OR10G7: variants seen among roughly 807,000 people sequenced by gnomAD.
OR10G7 encodes the protein olfactory receptor family 10 subfamily G member 7.
For missense variants in OR10G7, 338 were observed against 382.1 expected, an observed-to-expected ratio of 0.88 and a Z score of 0.96; for synonymous variants, 165 against 167.4, an observed-to-expected ratio of 0.99 and a Z score of 0.11.
At position 124,038,514 on chromosome 11, in the gene OR10G7, A is replaced by G; in HGVS notation, c.488T>C (p.Phe163Ser). The change falls in exon 2 of 2, where the codon TTC becomes TCC. Residue 163 changes from phenylalanine (F) to serine (S), a missense_variant. Coordinates refer to ENST00000641585, the MANE Select transcript of OR10G7 (RefSeq NM_001004463.2). The stretch of plus-strand genomic sequence containing the variant: ...GTTGGGTCCACAGTAGGGCAAATGG[A>G]AAGTCAATATGGTCTGGACAGCAGA... ...LHSAVQTILT[F>S]HLPYCGPNQI... The G allele has an allele frequency of 6.2e-7, 1 of 1,613,808 alleles. No individual in the cohort carries two copies. The highest frequency in any genetic ancestry group is 8.5e-7 in the Non-Finnish European group (1 of 1,179,854).
In OR10G7 at chr11:124,038,474, G is replaced by T. The variant is rs527425360; in HGVS notation, c.528C>A (p.Tyr176Ter). The T allele has an allele frequency of 2.5e-6, 4 of 1,613,564 alleles. No individual in the cohort carries two copies. The African/African-American group carries it at 5.3e-5, about 22-fold the overall frequency. ...TCAGGATGGGCGGTGCGTCACAGAAGTAGTGCTGGATCTGGTTGGGTCCAC... is the reference window on the plus strand; with the variant it reads ...TCAGGATGGGCGGTGCGTCACAGAATTAGTGCTGGATCTGGTTGGGTCCAC... ...PYCGPNQIQH[Y>*]FCDAPPILKL... The change falls in exon 2 of 2, where the codon TAC (tyrosine) becomes TAA (stop). Residue 176 changes from tyrosine (Y) to a stop codon, truncating the protein, a stop_gained. Coordinates refer to ENST00000641585, the MANE Select transcript of OR10G7 (RefSeq NM_001004463.2). LOFTEE classifies it low-confidence loss of function (END_TRUNC).
In OR10G7 at chr11:124,038,030, A is replaced by C. The variant is rs1006094232; in HGVS notation, c.*36T>G. ...TGAAGGTTTAATTTAATTACAAATA[A>C]AAAAAGAAAAGTTAGCCATATATGG... On this transcript the variant is annotated 3_prime_UTR_variant, in exon 2 of 2. Coordinates refer to ENST00000641585, the MANE Select transcript of OR10G7 (RefSeq NM_001004463.2). The C allele has an allele frequency of 7.1e-7, 1 of 1,403,512 alleles. No homozygotes were observed. The highest frequency in any genetic ancestry group is 2.3e-5 in the Admixed American group (1 of 43,876). 86.9% of individuals were successfully genotyped at this position (1,403,512 alleles called of 1,614,324 possible). A position where few individuals can be genotyped will look rare whatever the true frequency, so the allele number is the denominator to read the frequency against.
chr11:124,040,824 C>T (rs1197084335), intron 1 of OR10G7, 62 bp downstream of exon 1: 3 of 152,076 alleles, frequency 2.0e-5, no homozygotes, highest in Admixed American at 6.5e-5. Context: ...TCATAATCAC[C>T]TCCCCTCAAA....
chr11:124,040,741 A>T (rs1245405819), intron 1 of OR10G7, 145 bp downstream of exon 1: 1 of 152,114 alleles, frequency 6.6e-6, no homozygotes, highest in East Asian at 1.9e-4. Flanking sequence ...GTAAGTCATG[A>T]CTAAGATAAT....
chr11:124,039,215 CAA>C (rs1019735048), intron 1 of OR10G7, among the ~76,000 whole-genome samples, 194 bp from the exon 2 acceptor site: 1 of 151,852 alleles, frequency 6.6e-6, no homozygotes, highest in Non-Finnish European at 1.5e-5. Flanking sequence ...AAGCCATATA[CAA>C]AAGAGGAGGA....
rs759623298 is a variant in OR10G7, at chr11:124,036,792, A to G, written c.*1274T>C. On this transcript the variant is annotated 3_prime_UTR_variant, in exon 2 of 2. Coordinates refer to ENST00000641585, the MANE Select transcript of OR10G7 (RefSeq NM_001004463.2). The stretch of plus-strand genomic sequence containing the variant: ...TGCTTCATGTACTGTGTCATGGTTT[A>G]TGTAGCTCATGCTTACCAAGTTAGT... 6.6e-6 allele frequency: 1 copy of G among 152,180 alleles called. No individual in the cohort carries two copies. Among genetic ancestry groups the G allele is most frequent in the Non-Finnish European group, 1.5e-5 (1 of 68,028 alleles). 9.4% of individuals were successfully genotyped at this position (152,180 alleles called of 1,614,324 possible). A position where few individuals can be genotyped will look rare whatever the true frequency, so the allele number is the denominator to read the frequency against.
chr11:124,040,663 A>T (rs2137571959), intron 1 of OR10G7, among the ~76,000 whole-genome samples: 1 of 152,246 alleles, frequency 6.6e-6, no homozygotes, highest in South Asian at 2.1e-4. Flanking sequence ...TTTATAGAAA[A>T]AGCACTTCAT....
At chr11:124,040,759 CA>C (rs2137572013) in intron 1 of OR10G7, 126 bp downstream of exon 1, 1 of 152,170 alleles carries the variant, frequency 6.6e-6, no homozygotes, top group African/African-American at 2.4e-5. Context: ...AATCTAGCTT[CA>C]TTAGCCAAAG....
rs1216292401 is a variant in OR10G7, at chr11:124,036,347, TC to T, written c.*1718del. 6.6e-6 allele frequency: 1 copy of T among 152,238 alleles called. No individual in the cohort carries two copies. Among genetic ancestry groups the T allele is most frequent in the African/African-American group, 2.4e-5 (1 of 41,460 alleles). 9.4% of individuals were successfully genotyped at this position (152,238 alleles called of 1,614,324 possible). Reference sequence around the variant, plus strand: ...ATACATATTGCCATAGTATTTTGAATCCTTTAGCATCTTTCCAAGTCAAAAC... The same window carrying T: ...ATACATATTGCCATAGTATTTTGAATCTTTAGCATCTTTCCAAGTCAAAAC... On this transcript the variant is annotated 3_prime_UTR_variant, in exon 2 of 2. Transcript: ENST00000641585.
rs150844849 is a variant in OR10G7 at position 124,037,848 on chromosome 11, A to G, written c.*218T>C. On this transcript the variant is annotated 3_prime_UTR_variant, in exon 2 of 2. Transcript: ENST00000641585. Reference sequence around the variant, plus strand: ...ACTTAATGGAACGTGAAAAGAATAGACTATTATCCTTTCTCTTAGATTATC... The same window carrying G: ...ACTTAATGGAACGTGAAAAGAATAGGCTATTATCCTTTCTCTTAGATTATC... The G allele has an allele frequency of 3.7e-3, 1,324 of 354,594 alleles. 33 individuals are homozygous for G. Among genetic ancestry groups the G allele is most frequent in the African/African-American group, 0.024 (1,162 of 47,648 alleles). 22.0% of individuals were successfully genotyped at this position (354,594 alleles called of 1,614,324 possible).
rs767034136 is a variant in OR10G7 at position 124,038,163 on chromosome 11, G to A, written c.839C>T (p.Pro280Leu). ...GGTGTACACAACAGGGTTGAAAAGA[G>A]GAGTCAGCGTGGTGTAGAAAACGGC... ...VVAVFYTTLT[P>L]LFNPVVYTLR... is the part of the protein sequence containing the mutation. The change falls in exon 2 of 2, where the codon CCT becomes CTT. Residue 280 changes from proline to leucine, a missense_variant. Pro to Leu is a moderately conservative substitution (Grantham distance 98). Transcript: ENST00000641585. The A allele has an allele frequency of 1.2e-6, 2 of 1,614,124 alleles. No homozygotes were observed. Among genetic ancestry groups the A allele is most frequent in the South Asian group, 1.1e-5 (1 of 91,082 alleles).
In OR10G7 at chr11:124,038,034, A is replaced by C. The variant is rs772278444; in HGVS notation, c.*32T>G. ...GGTTTAATTTAATTACAAATAAAAA[A>C]AGAAAAGTTAGCCATATATGGCCTT... On this transcript the variant is annotated 3_prime_UTR_variant, in exon 2 of 2. Transcript: ENST00000641585. The C allele has an allele frequency of 2.1e-6, 3 of 1,436,170 alleles. No individual in the cohort carries two copies. In the Admixed American group the frequency reaches 6.8e-5, roughly 32 times the overall value. The allele number at this position is 1,436,170 out of a possible 1,614,324, so 89.0% of individuals were successfully genotyped here.
At chr11:124,040,152 T>C (rs1440921257) in intron 1 of OR10G7, among the ~76,000 whole-genome samples, 1 of 152,154 alleles carries the variant, frequency 6.6e-6, no homozygotes. Flanking sequence ...AGCCTTCTCT[T>C]TCTAAAGTAT....
In OR10G7 at chr11:124,037,907, C is replaced by T. The variant is rs138236826; in HGVS notation, c.*159G>A. 553 of 527,970 alleles carry T rather than the reference C, an allele frequency of 1.0e-3. 5 individuals are homozygous for T. Among genetic ancestry groups the T allele is most frequent in the African/African-American group, 9.5e-3 (500 of 52,504 alleles). 32.7% of individuals were successfully genotyped at this position (527,970 alleles called of 1,614,324 possible). On this transcript the variant is annotated 3_prime_UTR_variant, in exon 2 of 2. Transcript: ENST00000641585. Reference sequence around the variant, plus strand: ...ATGGCTGCTTTAACTAGGATTCTAACAAACACTCTGCAGAAAAAAATGAAA... The same window carrying T: ...ATGGCTGCTTTAACTAGGATTCTAATAAACACTCTGCAGAAAAAAATGAAA...
At position 124,037,333 on chromosome 11, in the gene OR10G7, G is replaced by A. The variant is rs183232840; in HGVS notation, c.*733C>T. On this transcript the variant is annotated 3_prime_UTR_variant, in exon 2 of 2. Transcript: ENST00000641585. ...TTGTATATTTATTATTTATCCTCTGGTACTTATAAAAATAATTTTAAAATT... is the reference window on the plus strand; with the variant it reads ...TTGTATATTTATTATTTATCCTCTGATACTTATAAAAATAATTTTAAAATT... 14 of 150,006 alleles carry A rather than the reference G, an allele frequency of 9.3e-5. No individual in the cohort carries two copies. The highest frequency in any genetic ancestry group is 6.1e-4 in the Admixed American group (9 of 14,756). 9.3% of individuals were successfully genotyped at this position (150,006 alleles called of 1,614,324 possible). A position where few individuals can be genotyped will look rare whatever the true frequency, so the allele number is the denominator to read the frequency against.
Position 124,037,648 on chromosome 11 carries a change from A to T in OR10G7, c.*418T>A, listed in dbSNP as rs1456180880. On this transcript the variant is annotated 3_prime_UTR_variant, in exon 2 of 2. Coordinates refer to ENST00000641585, the MANE Select transcript of OR10G7 (RefSeq NM_001004463.2). ...TAAAAATTTTATCTTATGGATATTAAATTATGTAGTTATTTATGAATGCTA... is the reference window on the plus strand; with the variant it reads ...TAAAAATTTTATCTTATGGATATTATATTATGTAGTTATTTATGAATGCTA... 1 of 152,158 alleles carries T rather than the reference A, an allele frequency of 6.6e-6. No individual in the cohort carries two copies. Among genetic ancestry groups the T allele is most frequent in the Non-Finnish European group, 1.5e-5 (1 of 68,072 alleles). 9.4% of individuals were successfully genotyped at this position (152,158 alleles called of 1,614,324 possible).
In OR10G7 at chr11:124,040,951, G is replaced by A. The variant is rs576717499; in HGVS notation, c.-86C>T. ...ATATTGAAAGAAAATGTCAGTTCTTGATAAGTGGTATAATTTTTCTTTTCT... is the reference window on the plus strand; with the variant it reads ...ATATTGAAAGAAAATGTCAGTTCTTAATAAGTGGTATAATTTTTCTTTTCT... On this transcript the variant is annotated 5_prime_UTR_variant, in exon 1 of 2. The change creates a premature stop within an existing upstream ORF in the 5' untranslated region. Transcript: ENST00000641585. 1 of 152,234 alleles carries A rather than the reference G, an allele frequency of 6.6e-6. No homozygotes were observed. Among genetic ancestry groups the A allele is most frequent in the South Asian group, 2.1e-4 (1 of 4,820 alleles). The allele number at this position is 152,234 out of a possible 1,614,324, so 9.4% of individuals were successfully genotyped here.
At position 124,037,482 on chromosome 11, in the gene OR10G7, G is replaced by A. The variant is rs1477658965; in HGVS notation, c.*584C>T. ...GTACAGTGTATACAGTGCATAAATG[G>A]ACAAATATTTACTCTCAGAAATCTT... On this transcript the variant is annotated 3_prime_UTR_variant, in exon 2 of 2. Transcript: ENST00000641585. 2 of 151,996 alleles carry A rather than the reference G, an allele frequency of 1.3e-5. No individual in the cohort carries two copies. The highest frequency in any genetic ancestry group is 1.9e-4 in the East Asian group (1 of 5,200). 9.4% of individuals were successfully genotyped at this position (151,996 alleles called of 1,614,324 possible). A position where few individuals can be genotyped will look rare whatever the true frequency, so the allele number is the denominator to read the frequency against.
Position 124,040,716 on chromosome 11 carries a change from C to A in OR10G7, c.-21+170G>T, listed in dbSNP as rs536943675. Among the ~76,000 whole-genome samples the A allele has an allele frequency of 9.9e-5, 15 of 152,152 alleles. 1 individual carries two copies. The East Asian group carries it at 2.9e-3, about 29-fold the overall frequency. On this transcript the variant is annotated intron_variant, in intron 1 of 1. Coordinates refer to ENST00000641585, the MANE Select transcript of OR10G7 (RefSeq NM_001004463.2). Reference sequence around the variant, plus strand: ...AAATTTTTAGTCTTCTACAGAACCACAAAAAGTTGGCTCTGTAAGTCATGA... The same window carrying A: ...AAATTTTTAGTCTTCTACAGAACCAAAAAAAGTTGGCTCTGTAAGTCATGA...
Sources: allele counts gnomAD v4.1 joint callset (sites outside exome capture counted in the v4.1 genomes callset), GRCh38; gene constraint gnomAD v4.1.1; transcripts MANE v1.5; gene names NCBI Gene and HGNC (gene_info 2026-07-23, HGNC 2026-07-21).